The following DNAH7 variants were observed in gnomAD, a reference collection of about 807,000 sequenced individuals.
DNAH7 encodes the protein dynein axonemal heavy chain 7, also known as axonemal beta dynein heavy chain 7.
DNAH7 carries 397 observed loss-of-function variants against 444.6 expected under a neutral mutation model. The observed-to-expected ratio is 0.89, with a 90% CI of 0.82 to 0.97. The LOEUF is 0.97. Among genes scored for constraint, DNAH7 ranks in the 50% least tolerant of loss-of-function variants. DNAH7 has a pLI of 0.00. For synonymous variants in DNAH7, 1,636 were observed against 1,624.4 expected (o/e 1.01, Z -0.17); for missense variants, 4,902 against 4,800.8 (o/e 1.02, Z -0.62).
intron 46 of DNAH7, among the ~76,000 whole-genome samples, chr2:195,852,660 T>C (rs967222249): frequency 3.9e-5 from 6 of 152,096 alleles, no homozygotes; most frequent in African/African-American, 1.4e-4. Flanking sequence ...GCAGGAAGAA[T>C]AATTAGGATT....
rs200302272 is a variant in DNAH7 at position 195,886,285 on chromosome 2, T to C, written c.5407-13A>G. ...TAGGAGATAATTCCTGAAAAGTCAG[T>C]AAGAAAAATGACTAAACAATTTAAA... On this transcript the variant is annotated splice_polypyrimidine_tract_variant and intron_variant, in intron 33 of 64. Coordinates refer to ENST00000312428, the MANE Select transcript of DNAH7 (RefSeq NM_018897.3). The C allele has an allele frequency of 6.2e-7, 1 of 1,606,442 alleles. No individual in the cohort carries two copies. Among genetic ancestry groups the C allele is most frequent in the African/African-American group, 1.3e-5 (1 of 74,726 alleles).
intron 61 of DNAH7, among the ~76,000 whole-genome samples, chr2:195,757,660 T>C (rs919736300): frequency 2.0e-5 from 3 of 151,994 alleles, no homozygotes; most frequent in Non-Finnish European, 2.9e-5. Context: ...GACAACACAA[T>C]TGTGGGAGCT....
rs750387662 is a variant in DNAH7 at position 195,897,768 on chromosome 2, A to T, written c.4549-3T>A. On this transcript the variant is annotated splice_polypyrimidine_tract_variant and splice_region_variant and intron_variant, in intron 28 of 64. Transcript: ENST00000312428. Reference sequence around the variant, plus strand: ...TCATTTTCATTTGGATATTTCAGCTAAAAAAAAAAAAAAAAACTCATGAGG... The same window carrying T: ...TCATTTTCATTTGGATATTTCAGCTTAAAAAAAAAAAAAAAACTCATGAGG... The T allele has an allele frequency of 1.2e-4, 21 of 178,728 alleles. No homozygotes were observed. In the East Asian group the frequency reaches 2.8e-3, roughly 23 times the overall value. 11.1% of individuals were successfully genotyped at this position (178,728 alleles called of 1,614,324 possible).
rs750533537 is a variant in DNAH7, at chr2:195,824,288, T to C, written c.9258A>G (p.Arg3086=). ...ATGTTTCAGGAAGATAATGAGGATT[T>C]CTTAACTTGGTAGTAATATAGAAGC... is the stretch of plus-strand genomic sequence containing the variant. ...DFRFYITTKL[R]NPHYLPETSV... is the part of the protein sequence containing the mutation. The change falls in exon 49 of 65, where the codon AGA becomes AGG. Residue 3086 remains arginine, a synonymous_variant. Coordinates refer to ENST00000312428, the MANE Select transcript of DNAH7 (RefSeq NM_018897.3). 1.2e-6 allele frequency: 2 copies of C among 1,613,430 alleles called. No homozygotes were observed. The highest frequency in any genetic ancestry group is 2.2e-5 in the South Asian group (2 of 90,872).
intron 46 of DNAH7, among the ~76,000 whole-genome samples, chr2:195,847,518 G>C (rs1341916704): frequency 2.0e-5 from 3 of 151,546 alleles, no homozygotes; most frequent in African/African-American, 7.3e-5. Flanking sequence ...GGAGGGTGAA[G>C]ACTGAAAAAC....
intron 10 of DNAH7, among the ~76,000 whole-genome samples, chr2:196,010,430 G>C (rs1296561484): frequency 1.3e-5 from 2 of 152,096 alleles, no homozygotes; most frequent in Non-Finnish European, 2.9e-5. Flanking sequence ...TGATAGGTGT[G>C]AGCCACCATC....
chr2:195,832,903 G>T (rs1698141942), intron 48 of DNAH7, among the ~76,000 whole-genome samples: 2 of 152,078 alleles, frequency 1.3e-5, no homozygotes, highest in South Asian at 4.1e-4. Flanking sequence ...TTGATCAATA[G>T]ACACCGCTGT....
chr2:195,807,697 T>C (rs1247112952), intron 53 of DNAH7, among the ~76,000 whole-genome samples: 1 of 152,058 alleles, frequency 6.6e-6, no homozygotes, highest in East Asian at 1.9e-4. Context: ...GGGTAAACCT[T>C]GGTGGGGAAA....
At chr2:196,041,812 A>G (rs1486120785) in intron 5 of DNAH7, among the ~76,000 whole-genome samples, 1 of 152,032 alleles carries the variant, frequency 6.6e-6, no homozygotes, top group Non-Finnish European at 1.5e-5. Flanking sequence ...GACAAGGGAT[A>G]AGGGATTAAT....
At chr2:195,944,204 A>G (rs1689651536) in intron 19 of DNAH7, among the ~76,000 whole-genome samples, 1 of 152,190 alleles carries the variant, frequency 6.6e-6, no homozygotes, top group East Asian at 1.9e-4. Context: ...AAGTGGAGTT[A>G]TAATTTCCAC....
rs1244166898 is a variant in DNAH7, at chr2:195,999,257, A to C, written c.1353+1447T>G. The C allele has an allele frequency of 1.1e-5, 8 of 713,438 alleles. No individual in the cohort carries two copies. The South Asian group carries it at 1.2e-4, about 11-fold the overall frequency. The allele number at this position is 713,438 out of a possible 1,614,324, so 44.2% of individuals were successfully genotyped here. ...GCTTTGTTTCTCTGTAGAGGAAAAA[A>C]ACAAAAGATGGTTGCCTTAAGAATT... On this transcript the variant is annotated intron_variant, in intron 12 of 64. Coordinates refer to ENST00000312428, the MANE Select transcript of DNAH7 (RefSeq NM_018897.3).
At chr2:195,994,464 A>T (rs1693560388) in intron 12 of DNAH7, 1 of 534,420 alleles carries the variant, frequency 1.9e-6, no homozygotes, top group Non-Finnish European at 3.6e-6. Context: ...AAGGTTTGCC[A>T]TAGAAATTGA....
At chr2:195,890,346 C>T (rs1167449590) in intron 31 of DNAH7, among the ~76,000 whole-genome samples, 2 of 152,156 alleles carry the variant, frequency 1.3e-5, no homozygotes, top group Non-Finnish European at 2.9e-5. Context: ...AATGGCGAGA[C>T]CTTGGGCTTC....
At chr2:195,852,382 T>G (rs1359074232) in intron 46 of DNAH7, among the ~76,000 whole-genome samples, 2 of 152,068 alleles carry the variant, frequency 1.3e-5, no homozygotes, top group African/African-American at 4.8e-5. Flanking sequence ...TCAGTGAAAT[T>G]ATAAAGCCCT....
chr2:195,844,173 A>T (rs2125004521), intron 47 of DNAH7, among the ~76,000 whole-genome samples: 1 of 152,324 alleles, frequency 6.6e-6, no homozygotes, highest in South Asian at 2.1e-4. Context: ...GTTTACTTCT[A>T]TTTTAAAAGT....
intron 24 of DNAH7, among the ~76,000 whole-genome samples, chr2:195,921,154 A>G (rs1173188722): frequency 1.3e-5 from 2 of 152,324 alleles, no homozygotes; most frequent in East Asian, 3.9e-4. Flanking sequence ...CAATGTGGAG[A>G]TTCCTTAAAG....
chr2:195,911,562 T>C (rs1012256211), intron 24 of DNAH7, among the ~76,000 whole-genome samples: 3 of 151,842 alleles, frequency 2.0e-5, no homozygotes, highest in African/African-American at 4.8e-5. Context: ...TCTAGTAACT[T>C]TACAGTGAAC....
intron 27 of DNAH7, among the ~76,000 whole-genome samples, chr2:195,906,079 T>C (rs1048390123): frequency 5.3e-5 from 8 of 152,020 alleles, no homozygotes; most frequent in African/African-American, 1.7e-4. Context: ...CATGATATAA[T>C]ATTAACGTGA....
rs780490384 is a variant in DNAH7, at chr2:195,861,788, G to C, written c.7665C>G (p.Tyr2555Ter). ...GGTAAGAGGTAGGAGTCACATAATT[G>C]TATCTTTGAAGTTCAACAAAGAAAG... The part of the protein sequence containing the change: ...SKSFFVELQR[Y>*]NYVTPTSYLE... Residue 2555 changes from tyrosine (Y) to a stop codon, truncating the protein, a stop_gained, in exon 42 of 65, where the codon TAC (tyrosine) becomes TAG (stop). Transcript: ENST00000312428. LOFTEE classifies it high-confidence loss of function. The C allele has an allele frequency of 3.1e-6, 5 of 1,613,344 alleles. No homozygotes were observed. The Admixed American group carries it at 6.7e-5, about 22-fold the overall frequency.
Sources: allele counts gnomAD v4.1 joint callset (sites outside exome capture counted in the v4.1 genomes callset), GRCh38; gene constraint gnomAD v4.1.1; transcripts MANE v1.5; gene names NCBI Gene and HGNC (gene_info 2026-07-23, HGNC 2026-07-21).